Variants in STARD13 observed in about 807,000 individuals in gnomAD.
STARD13 encodes the protein stAR-related lipid transfer protein 13.
STARD13 carries 62 observed loss-of-function variants against 106.4 expected under a neutral mutation model. That is an observed-to-expected ratio of 0.58 (90% CI 0.48 to 0.72). The LOEUF (loss-of-function observed/expected upper bound fraction) is 0.72. Among genes scored for constraint, STARD13 ranks in the 30% least tolerant of loss-of-function variants. STARD13 has a pLI of 0.00. For missense variants in STARD13, 1,387 were observed against 1,424.0 expected (o/e 0.97, Z 0.42); for synonymous variants, 565 against 553.0 (o/e 1.02, Z -0.31).
At chr13:33,262,119 A>G (rs1211884501) in intron 1 of STARD13, among the ~76,000 whole-genome samples, 1 of 152,216 alleles carries the variant, frequency 6.6e-6, no homozygotes, top group African/African-American at 2.4e-5. Flanking sequence ...CACTGGAGAT[A>G]ACATTTGCCT....
intron 1 of STARD13, among the ~76,000 whole-genome samples, chr13:33,192,388 T>C (rs759667144): frequency 4.6e-5 from 7 of 152,254 alleles, no homozygotes; most frequent in Non-Finnish European, 7.3e-5. Flanking sequence ...TTAATGCATA[T>C]TCAGGAGTAT....
upstream of STARD13, among the ~76,000 whole-genome samples, chr13:33,354,747 T>A (rs1432176351): frequency 6.6e-6 from 1 of 151,974 alleles, no homozygotes; most frequent in Non-Finnish European, 1.5e-5. Flanking sequence ...ATCACTCTTT[T>A]CTTATATAAT....
chr13:33,292,951 C>T (rs1171905532), intron 1 of STARD13, among the ~76,000 whole-genome samples: 3 of 152,002 alleles, frequency 2.0e-5, no homozygotes, highest in Admixed American at 2.0e-4. Flanking sequence ...CCAACCCCTC[C>T]CCTATCAACT....
chr13:33,362,180 C>T, the STARD13 span, among the ~76,000 whole-genome samples: 1 of 152,084 alleles, frequency 6.6e-6, no homozygotes, highest in Middle Eastern at 3.2e-3. Context: ...ATCTGCTTGG[C>T]TTCTGGTGAG....
At chr13:33,248,833 A>T (rs533413324) in intron 1 of STARD13, among the ~76,000 whole-genome samples, 2 of 152,314 alleles carry the variant, frequency 1.3e-5, no homozygotes, top group South Asian at 4.1e-4. Context: ...AGTTGTATTT[A>T]TTGAATGAGC....
chr13:33,492,848 C>G, the STARD13 span, among the ~76,000 whole-genome samples: 2 of 152,264 alleles, frequency 1.3e-5, no homozygotes, highest in South Asian at 4.1e-4. Flanking sequence ...CTTTCTTGTG[C>G]GAGATCCAGG....
At position 33,178,210 on chromosome 13, in the gene STARD13, C is replaced by T. The variant is rs116766150; in HGVS notation, c.170-10588G>A. On this transcript the variant is annotated intron_variant, in intron 1 of 13. Coordinates refer to ENST00000336934, the MANE Select transcript of STARD13 (RefSeq NM_178006.4). ...TAAAATTGGAATCTGCTTTTGCACT[C>T]GACAATGCATTTTGAACATCTTTTT... 3.3e-3 allele frequency among the ~76,000 whole-genome samples: 497 copies of T among 152,252 alleles called. 1 individual carries two copies. The highest frequency in any genetic ancestry group is 0.012 in the African/African-American group (483 of 41,546).
At chr13:33,675,217 G>A in the STARD13 span, among the ~76,000 whole-genome samples, 40 of 152,178 alleles carry the variant, frequency 2.6e-4, no homozygotes, top group Non-Finnish European at 4.3e-4. Flanking sequence ...ATGCCTGTTG[G>A]GGAAATTTTC....
chr13:33,526,186 C>T, the STARD13 span, among the ~76,000 whole-genome samples: 2 of 152,052 alleles, frequency 1.3e-5, no homozygotes, highest in South Asian at 2.1e-4. Context: ...AATTATTAAA[C>T]CATCCTTATG....
chr13:33,624,592 C>T, the STARD13 span, among the ~76,000 whole-genome samples: 19 of 152,360 alleles, frequency 1.2e-4, no homozygotes, highest in Admixed American at 3.9e-4. Flanking sequence ...CTAGCACAGA[C>T]TCAACCAACA....
chr13:33,671,689 C>T, the STARD13 span, among the ~76,000 whole-genome samples: 3 of 152,014 alleles, frequency 2.0e-5, no homozygotes, highest in Admixed American at 6.5e-5. Flanking sequence ...ATGACTGGGC[C>T]ACTGCTCTTC....
intron 8 of STARD13, 115 bp downstream of exon 8, chr13:33,117,950 A>T: frequency 6.6e-7 from 1 of 1,526,180 alleles, no homozygotes; most frequent in South Asian, 1.3e-5. Flanking sequence ...AGGATTACAT[A>T]CATCTTTATG....
the STARD13 span, among the ~76,000 whole-genome samples, chr13:33,482,527 T>C: frequency 6.6e-6 from 1 of 152,220 alleles, no homozygotes; most frequent in African/African-American, 2.4e-5. Context: ...ATCTTTAAAA[T>C]TTTCATGCTG....
the STARD13 span, among the ~76,000 whole-genome samples, chr13:33,417,355 C>T: frequency 6.6e-6 from 1 of 152,134 alleles, no homozygotes; most frequent in Non-Finnish European, 1.5e-5. Context: ...CCACAGGGCC[C>T]AGCATTCCTT....
chr13:33,667,368 T>C, the STARD13 span, among the ~76,000 whole-genome samples: 1 of 152,238 alleles, frequency 6.6e-6, no homozygotes, highest in Non-Finnish European at 1.5e-5. Flanking sequence ...ATAGAATGTC[T>C]ATATGATTTT....
chr13:33,523,417 G>T, the STARD13 span, among the ~76,000 whole-genome samples: 1 of 152,024 alleles, frequency 6.6e-6, no homozygotes, highest in Non-Finnish European at 1.5e-5. Flanking sequence ...CATGATGTTT[G>T]CCTTTCATAT....
intron 7 of STARD13, among the ~76,000 whole-genome samples, chr13:33,123,560 C>T (rs1213346260): frequency 1.3e-5 from 2 of 152,174 alleles, no homozygotes; most frequent in East Asian, 3.8e-4. Context: ...TGATTTAGGG[C>T]AGAAATAAAA....
chr13:33,613,078 C>A, the STARD13 span, among the ~76,000 whole-genome samples: 2 of 152,170 alleles, frequency 1.3e-5, no homozygotes, highest in Admixed American at 1.3e-4. Context: ...TCTGCTGCAT[C>A]CTGGCATGCA....
At chr13:33,525,672 C>G in the STARD13 span, among the ~76,000 whole-genome samples, 68 of 152,172 alleles carry the variant, frequency 4.5e-4, 1 homozygote, top group East Asian at 0.013. Flanking sequence ...TATCTAGAAG[C>G]CTCTACTGCA....
Sources: allele counts gnomAD v4.1 joint callset (sites outside exome capture counted in the v4.1 genomes callset), GRCh38; gene constraint gnomAD v4.1.1; transcripts MANE v1.5; gene names NCBI Gene and HGNC (gene_info 2026-07-23, HGNC 2026-07-21).